The following ROBO1 variants were observed in gnomAD, a reference collection of about 807,000 sequenced individuals.
ROBO1 encodes the protein roundabout guidance receptor 1.
Under a neutral mutation model 195.9 loss-of-function variants are expected in ROBO1, and 149 were observed. The ratio of observed to expected loss-of-function variants is 0.76; its 90% CI spans 0.67 to 0.87. ROBO1 has a LOEUF of 0.87. Among genes scored for constraint, ROBO1 ranks in the 40% least tolerant of loss-of-function variants. The pLI is 0.00. For missense variants in ROBO1, 1,933 were observed against 2,068.3 expected (o/e 0.93, Z 1.27); for synonymous variants, 816 against 733.2 (o/e 1.11, Z -1.82).
At position 79,571,671 on chromosome 3, in the gene ROBO1, T is replaced by C. The variant is rs969119176; in HGVS notation, c.88+18153A>G. Among the ~76,000 whole-genome samples the C allele has an allele frequency of 3.3e-5, 5 of 152,116 alleles. No individual in the cohort carries two copies. In the South Asian group the frequency reaches 1.0e-3, roughly 31 times the overall value. On this transcript the variant is annotated intron_variant, in intron 2 of 30. Transcript: ENST00000464233. ...ATAAAGTGATGTAAAATACTTCCTA[T>C]GTGTTTTGATTCAGTGTAAACTTTT...
chr3:79,595,997 A>T (rs1174072680), intron 1 of ROBO1, among the ~76,000 whole-genome samples: 1 of 151,870 alleles, frequency 6.6e-6, no homozygotes. Flanking sequence ...TCACTCAGCA[A>T]TCTACACATT....
chr3:79,747,733 C>A lies in ROBO1; in HGVS notation c.-51+20019G>T, dbSNP rs548938044. 1.2e-4 allele frequency among the ~76,000 whole-genome samples: 18 copies of A among 151,902 alleles called. No homozygotes were observed. The South Asian group carries it at 3.5e-3, about 30-fold the overall frequency. On this transcript the variant is annotated intron_variant, in intron 1 of 30. Coordinates refer to ENST00000464233, the MANE Select transcript of ROBO1 (RefSeq NM_002941.4). The stretch of plus-strand genomic sequence containing the variant: ...AAAAATGACTAAATGTTAGATGTGA[C>A]TAATATTTAAGAAATATACTGGACA...
intron 1 of ROBO1, among the ~76,000 whole-genome samples, chr3:79,592,232 C>T (rs575147301): frequency 7.9e-5 from 12 of 151,750 alleles, no homozygotes; most frequent in Non-Finnish European, 1.2e-4. Flanking sequence ...AAAAAGAATG[C>T]AATAATTATA....
intron 3 of ROBO1, among the ~76,000 whole-genome samples, chr3:79,101,033 G>A (rs1285921228): frequency 6.6e-6 from 1 of 151,766 alleles, no homozygotes; most frequent in Non-Finnish European, 1.5e-5. Flanking sequence ...TCTAGCAGAT[G>A]GTCAGAGGTA....
intron 2 of ROBO1, among the ~76,000 whole-genome samples, chr3:79,240,410 A>T (rs1262868580): frequency 6.6e-6 from 1 of 152,194 alleles, no homozygotes; most frequent in African/African-American, 2.4e-5. Flanking sequence ...ACACAAACAC[A>T]GGATTGTGTT....
chr3:78,814,433 T>C (rs966037735), intron 4 of ROBO1, among the ~76,000 whole-genome samples: 19 of 152,052 alleles, frequency 1.2e-4, no homozygotes, highest in African/African-American at 4.6e-4. Flanking sequence ...ATAGCACATG[T>C]CAATCCACAC....
At chr3:78,904,686 G>C (rs1044310015) in intron 4 of ROBO1, among the ~76,000 whole-genome samples, 1 of 149,090 alleles carries the variant, frequency 6.7e-6, no homozygotes. Flanking sequence ...ATATGTATAC[G>C]TATACATATG....
chr3:79,525,531 A>G (rs1163046515), intron 2 of ROBO1, among the ~76,000 whole-genome samples: 1 of 144,476 alleles, frequency 6.9e-6, no homozygotes, highest in Non-Finnish European at 1.5e-5. Context: ...TCATCAATTT[A>G]TACTTCAGAT....
At chr3:79,372,458 C>T (rs2109342577) in intron 2 of ROBO1, among the ~76,000 whole-genome samples, 1 of 152,172 alleles carries the variant, frequency 6.6e-6, no homozygotes, top group African/African-American at 2.4e-5. Context: ...ATCTGCCCGC[C>T]TTGGCCTCCC....
At chr3:78,819,304 T>A (rs1454589780) in intron 4 of ROBO1, among the ~76,000 whole-genome samples, 1 of 152,192 alleles carries the variant, frequency 6.6e-6, no homozygotes, top group East Asian at 1.9e-4. Flanking sequence ...CTTGTTTATC[T>A]TTAATTACCC....
intron 1 of ROBO1, among the ~76,000 whole-genome samples, chr3:79,738,186 C>T (rs1703469122): frequency 6.6e-6 from 1 of 152,128 alleles, no homozygotes; most frequent in South Asian, 2.1e-4. Flanking sequence ...CAGCAGTGTA[C>T]TCTTTCACAG....
intron 2 of ROBO1, among the ~76,000 whole-genome samples, chr3:79,575,425 TA>T (rs1295440012): frequency 2.4e-5 from 3 of 124,826 alleles, no homozygotes; most frequent in Non-Finnish European, 4.8e-5. Flanking sequence ...AATATATATA[TA>T]AATATATATA....
chr3:79,206,151 C>T (rs945553389), intron 2 of ROBO1, among the ~76,000 whole-genome samples: 1 of 152,174 alleles, frequency 6.6e-6, no homozygotes, highest in African/African-American at 2.4e-5. Context: ...GCATGTGAAT[C>T]ATCCCTTTGT....
At chr3:79,704,172 G>A (rs149971816) in intron 1 of ROBO1, among the ~76,000 whole-genome samples, 183 of 151,918 alleles carry the variant, frequency 1.2e-3, no homozygotes, top group African/African-American at 4.1e-3. Flanking sequence ...CAACATTCCC[G>A]CCAAAGTGGT....
At chr3:78,812,230 A>C (rs2084765156) in intron 4 of ROBO1, among the ~76,000 whole-genome samples, 1 of 152,080 alleles carries the variant, frequency 6.6e-6, no homozygotes, top group Admixed American at 6.6e-5. Context: ...GAAACTCTCT[A>C]AATCTCCTAC....
chr3:78,798,608 C>T (rs2084255591), intron 4 of ROBO1, among the ~76,000 whole-genome samples: 1 of 152,128 alleles, frequency 6.6e-6, no homozygotes, highest in East Asian at 1.9e-4. Flanking sequence ...ATTGTTACCA[C>T]ATGCTAAGTA....
intron 3 of ROBO1, among the ~76,000 whole-genome samples, chr3:79,033,168 A>T (rs2078325687): frequency 6.6e-6 from 1 of 152,114 alleles, no homozygotes; most frequent in African/African-American, 2.4e-5. Context: ...CATAATTTTA[A>T]AGTGATAATT....
intron 2 of ROBO1, among the ~76,000 whole-genome samples, chr3:79,298,549 T>C (rs2032719718): frequency 1.3e-5 from 2 of 152,070 alleles, no homozygotes; most frequent in Admixed American, 6.5e-5. Context: ...TACTTTAACA[T>C]AGGGATAGAA....
intron 1 of ROBO1, among the ~76,000 whole-genome samples, chr3:79,665,372 T>C (rs9824870): frequency 0.62 from 94,198 of 151,560 alleles, 29,801 homozygotes; most frequent in African/African-American, 0.73. Context: ...TAAGTCTCCT[T>C]GTTTTATTCT....
Sources: allele counts gnomAD v4.1 joint callset (sites outside exome capture counted in the v4.1 genomes callset), GRCh38; gene constraint gnomAD v4.1.1; transcripts MANE v1.5; gene names NCBI Gene and HGNC (gene_info 2026-07-23, HGNC 2026-07-21).